The following LIPF variants were observed in gnomAD, a reference collection of about 807,000 sequenced individuals.
The protein encoded by LIPF is lipase F, gastric type.
Under a neutral mutation model 38.0 loss-of-function variants are expected in LIPF, and 25 were observed. The ratio of observed to expected loss-of-function variants is 0.66; its 90% CI spans 0.48 to 0.92. The LOEUF (loss-of-function observed/expected upper bound fraction) is 0.92, where lower values mean the gene tolerates loss of function less well. LIPF is among the 40% of genes least tolerant of loss of function. LIPF has a pLI of 0.00. For synonymous variants in LIPF, 161 were observed against 156.2 expected (o/e 1.03, Z -0.23); for missense variants, 410 against 469.9 (o/e 0.87, Z 1.18).
rs1198562734 is a variant in LIPF, at chr10:88,678,442, T to C, written c.961-3T>C. On this transcript the variant is annotated splice_region_variant and splice_polypyrimidine_tract_variant and intron_variant, in intron 9 of 9. Transcript: ENST00000238983. ...CTCTGGTTCTTTCTCTTGTGTTTTCTAGTCCCAACCTCCCTACTACAATGT... is the reference window on the plus strand; with the variant it reads ...CTCTGGTTCTTTCTCTTGTGTTTTCCAGTCCCAACCTCCCTACTACAATGT... The C allele has an allele frequency of 1.2e-6, 2 of 1,608,838 alleles. No individual in the cohort carries two copies. Among genetic ancestry groups the C allele is most frequent in the East Asian group, 2.2e-5 (1 of 44,872 alleles).
chr10:88,665,737 ATTTTTTTT>A (rs68081693), intron 1 of LIPF, among the ~76,000 whole-genome samples: 3 of 100,240 alleles, frequency 3.0e-5, no homozygotes, highest in African/African-American at 7.4e-5. Flanking sequence ...TTAAAAACTG[ATTTTTTTT>A]TTTTTTTTTT....
chr10:88,673,969 A>G (rs1841645393), intron 7 of LIPF, among the ~76,000 whole-genome samples: 1 of 152,088 alleles, frequency 6.6e-6, no homozygotes, highest in Non-Finnish European at 1.5e-5. Flanking sequence ...ACAATTCACT[A>G]CTCACTTATG....
At chr10:88,672,350 T>C (rs1005097117) in intron 6 of LIPF, among the ~76,000 whole-genome samples, 1 of 151,884 alleles carries the variant, frequency 6.6e-6, no homozygotes, top group Non-Finnish European at 1.5e-5. Context: ...CCAGAGAGAC[T>C]GGAAAGAGGA....
intron 2 of LIPF, 55 bp downstream of exon 2, chr10:88,667,457 T>G: frequency 8.8e-7 from 1 of 1,139,718 alleles, no homozygotes; most frequent in South Asian, 1.3e-5. Context: ...TTATTTAAAA[T>G]CATAATGAGT....
chr10:88,673,025 G>T (rs1020348200), intron 6 of LIPF, among the ~76,000 whole-genome samples: 1 of 152,096 alleles, frequency 6.6e-6, no homozygotes, highest in African/African-American at 2.4e-5. Context: ...GTATAATCGA[G>T]CTCTAATTAG....
At chr10:88,664,945 C>T (rs1841489762) in intron 1 of LIPF, among the ~76,000 whole-genome samples, 1 of 152,140 alleles carries the variant, frequency 6.6e-6, no homozygotes, top group South Asian at 2.1e-4. Flanking sequence ...ATTGTGAAAC[C>T]TTATAGGCTA....
At chr10:88,667,971 T>G (rs529801263) in intron 3 of LIPF, among the ~76,000 whole-genome samples, 1 of 152,298 alleles carries the variant, frequency 6.6e-6, no homozygotes, top group East Asian at 1.9e-4. Context: ...GTACATAGGA[T>G]ATTAAACTGA....
chr10:88,673,186 G>A (rs940411355), intron 6 of LIPF, among the ~76,000 whole-genome samples: 1 of 152,052 alleles, frequency 6.6e-6, no homozygotes, highest in Non-Finnish European at 1.5e-5. Flanking sequence ...CTGAAAATAT[G>A]GCCAAGTCAC....
At chr10:88,670,308 T>C (rs1310632515) in intron 5 of LIPF, among the ~76,000 whole-genome samples, 1 of 152,070 alleles carries the variant, frequency 6.6e-6, no homozygotes, top group Admixed American at 6.6e-5. Flanking sequence ...ATAAAATAGA[T>C]GAAAACTTCT....
In LIPF at chr10:88,666,654, C is replaced by T. The variant is rs17286993; in HGVS notation, c.-11-633C>T. Among the ~76,000 whole-genome samples, 30 of 151,864 alleles carry T rather than the reference C, an allele frequency of 2.0e-4. No homozygotes were observed. In the South Asian group the frequency reaches 3.5e-3, roughly 18 times the overall value. ...GGAAGATACCTTGAGGCCAGGAGTTCGAGACCAGTCTGAGTAATGTAGAAA... is the reference window on the plus strand; with the variant it reads ...GGAAGATACCTTGAGGCCAGGAGTTTGAGACCAGTCTGAGTAATGTAGAAA... On this transcript the variant is annotated intron_variant, in intron 1 of 9. Transcript: ENST00000238983.
Position 88,678,526 on chromosome 10 carries a change from C to T in LIPF, c.1042C>T (p.Pro348Ser), listed in dbSNP as rs17333991. The T allele has an allele frequency of 6.2e-6, 10 of 1,613,950 alleles. No individual in the cohort carries two copies. The highest frequency in any genetic ancestry group is 7.6e-6 in the Non-Finnish European group (9 of 1,179,928). Residue 348 changes from proline (P) to serine (S), a missense_variant, in exon 10 of 10, where the codon CCC (proline) becomes TCC (serine). Pro to Ser is a moderately conservative substitution (Grantham distance 74). Coordinates refer to ENST00000238983, the MANE Select transcript of LIPF (RefSeq NM_004190.4). ...WNGGKDLLAD[P>S]QDVGLLLPKL... ...CGGTGGCAAGGACCTGTTGGCTGAC[C>T]CCCAAGATGTTGGCCTTTTGCTTCC...
Position 88,675,708 on chromosome 10 carries a change from T to C in LIPF, c.888+51T>C, listed in dbSNP as rs751225686. 2.2e-6 allele frequency: 3 copies of C among 1,337,718 alleles called. No homozygotes were observed. The South Asian group carries it at 3.6e-5, about 16-fold the overall frequency. The allele number at this position is 1,337,718 out of a possible 1,614,324, so 82.9% of individuals were successfully genotyped here. On this transcript the variant is annotated intron_variant, in intron 8 of 9. Coordinates refer to ENST00000238983, the MANE Select transcript of LIPF (RefSeq NM_004190.4). ...ATGTATTTTGTGAGTCTCAACCCTT[T>C]TCACTTTACCTAAACACATTCTTAA...
chr10:88,678,480 T>A lies in LIPF; in HGVS notation c.996T>A (p.Asn332Lys). ...QPPYYNVTAM[N>K]VPIAVWNGGK... is the part of the protein sequence containing the mutation. ...CCTACTACAATGTGACAGCCATGAA[T>A]GTACCAATTGCAGTGTGGAACGGTG... is the stretch of plus-strand genomic sequence containing the variant. The change falls in exon 10 of 10, where the codon AAT (asparagine) becomes AAA (lysine). Residue 332 changes from asparagine (N) to lysine (K), a missense_variant. Transcript: ENST00000238983. 1 of 1,614,050 alleles carries A rather than the reference T, an allele frequency of 6.2e-7. No homozygotes were observed. The highest frequency in any genetic ancestry group is 8.5e-7 in the Non-Finnish European group (1 of 1,179,894).
rs536386111 is a variant in LIPF at position 88,667,498 on chromosome 10, A to G, written c.106-71A>G. 9.3e-5 allele frequency: 97 copies of G among 1,044,662 alleles called. No individual in the cohort carries two copies. In the African/African-American group the frequency reaches 1.1e-3, roughly 12 times the overall value. The allele number at this position is 1,044,662 out of a possible 1,614,324, so 64.7% of individuals were successfully genotyped here. A position where few individuals can be genotyped will look rare whatever the true frequency, so the allele number is the denominator to read the frequency against. On this transcript the variant is annotated intron_variant, in intron 2 of 9. Coordinates refer to ENST00000238983, the MANE Select transcript of LIPF (RefSeq NM_004190.4). ...ATTTTATATGACCAATTAAAAATAA[A>G]CAGTAATATTCATTTATTAGATATA...
At chr10:88,667,043 TAAACAAAAGG>T (rs1181769097) in intron 1 of LIPF, among the ~76,000 whole-genome samples, 1 of 152,170 alleles carries the variant, frequency 6.6e-6, no homozygotes, top group African/African-American at 2.4e-5. Context: ...AAAATGTTCT[TAAACAAAAGG>T]AATCAAACAG....
chr10:88,678,594 C>A lies in LIPF; in HGVS notation c.1110C>A (p.Tyr370Ter). The change falls in exon 10 of 10, where the codon TAC (tyrosine) becomes TAA (stop). Residue 370 changes from tyrosine to a stop codon, truncating the protein, a stop_gained. Transcript: ENST00000238983. LOFTEE classifies it low-confidence loss of function (END_TRUNC). ...TTTACCACAAGGAGATTCCTTTTTA[C>A]AATCACTTGGACTTTATCTGGGCAA... is the stretch of plus-strand genomic sequence containing the variant. ...NLIYHKEIPFYNHLDFIWAMD... is the reference protein window; with the variant it reads ...NLIYHKEIPF The A allele has an allele frequency of 6.2e-7, 1 of 1,613,964 alleles. No homozygotes were observed. The highest frequency in any genetic ancestry group is 8.5e-7 in the Non-Finnish European group (1 of 1,179,852).
At position 88,673,747 on chromosome 10, in the gene LIPF, T is replaced by C. The variant is rs996899036; in HGVS notation, c.816+13T>C. ...GAACTTTAACACGGTTAGTATGCAT[T>C]TCAATTTCTATATTTTGAGCAACAT... On this transcript the variant is annotated intron_variant, in intron 7 of 9. Transcript: ENST00000238983. The C allele has an allele frequency of 1.3e-6, 2 of 1,599,222 alleles. No homozygotes were observed. Among genetic ancestry groups the C allele is most frequent in the Non-Finnish European group, 8.5e-7 (1 of 1,171,792 alleles).
intron 9 of LIPF, among the ~76,000 whole-genome samples, chr10:88,677,547 CTTTTCT>C (rs1422519846): frequency 6.6e-6 from 1 of 152,192 alleles, no homozygotes; most frequent in Non-Finnish European, 1.5e-5. Context: ...CACACACTCC[CTTTTCT>C]CTAATATTTA....
At chr10:88,670,671 G>C (rs1464614810) in intron 5 of LIPF, among the ~76,000 whole-genome samples, 1 of 152,176 alleles carries the variant, frequency 6.6e-6, no homozygotes. Context: ...AATTGAGAAA[G>C]AGACAGAGAG....
Sources: allele counts gnomAD v4.1 joint callset (sites outside exome capture counted in the v4.1 genomes callset), GRCh38; gene constraint gnomAD v4.1.1; transcripts MANE v1.5; gene names NCBI Gene and HGNC (gene_info 2026-07-23, HGNC 2026-07-21).